Variants in MSH4 observed in about 807,000 individuals in gnomAD.
MSH4 encodes the protein mutS homolog 4, also known as mutS protein homolog 4.
In MSH4, 106 loss-of-function variants were observed where a neutral mutation model predicts 113.7. The observed-to-expected ratio is 0.93, with a 90% CI of 0.80 to 1.10. MSH4 has a LOEUF of 1.10. Among genes scored for constraint, MSH4 ranks in the 50% least tolerant of loss-of-function variants. MSH4 has a pLI of 0.00. For synonymous variants in MSH4, 368 were observed against 380.2 expected, an observed-to-expected ratio of 0.97 and a Z score of 0.37; for missense variants, 1,061 against 1,093.7, an observed-to-expected ratio of 0.97 and a Z score of 0.42.
At chr1:75,886,596 T>G (rs1472106693) in intron 15 of MSH4, among the ~76,000 whole-genome samples, 1 of 123,334 alleles carries the variant, frequency 8.1e-6, no homozygotes, top group Admixed American at 9.3e-5. Flanking sequence ...TATAATGTAT[T>G]ATATATTATA....
chr1:75,879,479 T>A (rs1336881849), intron 12 of MSH4, among the ~76,000 whole-genome samples: 1 of 152,218 alleles, frequency 6.6e-6, no homozygotes, highest in Admixed American at 6.5e-5. Context: ...ACTTAACTTT[T>A]AAAAATCTAA....
chr1:75,815,991 G>A (rs1171802124), intron 5 of MSH4, among the ~76,000 whole-genome samples: 1 of 152,090 alleles, frequency 6.6e-6, no homozygotes, highest in Non-Finnish European at 1.5e-5. Flanking sequence ...CTGGTTGACA[G>A]AGCTAGACCC....
Position 75,822,545 on chromosome 1 carries a change from C to G in MSH4, c.1126C>G (p.Leu376Val). Reference protein sequence around the residue: ...NMRLDCVQELLQDEELFFGLQ... With the variant: ...NMRLDCVQELVQDEELFFGLQ... ...GAGATTAGATTGTGTTCAAGAACTACTTCAAGATGAGGAACTATTTTTTGG... is the reference window on the plus strand; with the variant it reads ...GAGATTAGATTGTGTTCAAGAACTAGTTCAAGATGAGGAACTATTTTTTGG... The change falls in exon 7 of 20, where the codon CTT (leucine) becomes GTT (valine). Residue 376 changes from leucine to valine, a missense_variant. By Grantham distance (32) the Leu-to-Val change is conservative. Coordinates refer to ENST00000263187, the MANE Select transcript of MSH4 (RefSeq NM_002440.4). 2 of 1,548,980 alleles carry G rather than the reference C, an allele frequency of 1.3e-6. No homozygotes were observed. The highest frequency in any genetic ancestry group is 1.7e-6 in the Non-Finnish European group (2 of 1,154,678).
chr1:75,896,322 T>C (rs576324761), intron 17 of MSH4, among the ~76,000 whole-genome samples: 27 of 147,902 alleles, frequency 1.8e-4, no homozygotes, highest in Non-Finnish European at 3.9e-4. Flanking sequence ...CAATTCCATA[T>C]AATAAATCTC....
intron 3 of MSH4, among the ~76,000 whole-genome samples, chr1:75,808,068 C>T (rs969164211): frequency 6.6e-6 from 1 of 152,116 alleles, no homozygotes; most frequent in Non-Finnish European, 1.5e-5. Context: ...GAAGACATGT[C>T]CTTTTTGTAC....
In MSH4 at chr1:75,872,790, T is replaced by C. The variant is rs920874839; in HGVS notation, c.1306-4146T>C. Among the ~76,000 whole-genome samples, 4 of 152,186 alleles carry C rather than the reference T, an allele frequency of 2.6e-5. No homozygotes were observed. The South Asian group carries it at 6.2e-4, about 24-fold the overall frequency. ...GAAAATAACATTAAATTTTTAAAGA[T>C]TTATAGTGATTGAGCATCTGCTGAT... is the stretch of plus-strand genomic sequence containing the variant. On this transcript the variant is annotated intron_variant, in intron 9 of 19. Coordinates refer to ENST00000263187, the MANE Select transcript of MSH4 (RefSeq NM_002440.4).
intron 7 of MSH4, among the ~76,000 whole-genome samples, chr1:75,842,893 G>T (rs1253625930): frequency 6.6e-6 from 1 of 151,976 alleles, no homozygotes; most frequent in Admixed American, 6.6e-5. Flanking sequence ...AGTCAGGCTC[G>T]TCCACAGTTA....
chr1:75,847,580 T>C (rs974293538), intron 7 of MSH4, among the ~76,000 whole-genome samples: 1 of 152,150 alleles, frequency 6.6e-6, no homozygotes, highest in Non-Finnish European at 1.5e-5. Context: ...ACGAGTTTAT[T>C]TGGGTCACAA....
chr1:75,863,618 G>A lies in MSH4; in HGVS notation c.1231-3896G>A, dbSNP rs573438949. ...AAATCTTCGCCTCACCACTCCACTG[G>A]GAGGATTATCTGTAATTTGTGTATC... On this transcript the variant is annotated intron_variant, in intron 8 of 19. Coordinates refer to ENST00000263187, the MANE Select transcript of MSH4 (RefSeq NM_002440.4). Among the ~76,000 whole-genome samples, 65 of 152,094 alleles carry A rather than the reference G, an allele frequency of 4.3e-4. No individual in the cohort carries two copies. The South Asian group carries it at 0.013, about 30-fold the overall frequency.
At chr1:75,864,689 C>T (rs538941550) in intron 8 of MSH4, among the ~76,000 whole-genome samples, 6 of 152,248 alleles carry the variant, frequency 3.9e-5, no homozygotes, top group African/African-American at 1.4e-4. Flanking sequence ...GGTTTATCTG[C>T]TTTTGTGATT....
chr1:75,824,250 G>C (rs1212710010), intron 7 of MSH4, among the ~76,000 whole-genome samples: 2 of 152,120 alleles, frequency 1.3e-5, no homozygotes, highest in Non-Finnish European at 2.9e-5. Flanking sequence ...TTTTTCATAT[G>C]TTTGATGGCC....
chr1:75,851,473 G>A (rs1279742321), intron 8 of MSH4, among the ~76,000 whole-genome samples: 5 of 151,836 alleles, frequency 3.3e-5, no homozygotes, highest in Admixed American at 1.3e-4. Context: ...GTGCAGTGGC[G>A]CCATCTCGGC....
chr1:75,802,824 T>A (rs1649968634), intron 1 of MSH4, among the ~76,000 whole-genome samples: 1 of 152,090 alleles, frequency 6.6e-6, no homozygotes, highest in South Asian at 2.1e-4. Flanking sequence ...GGCTGGGAAG[T>A]CCAAGGTCAA....
intron 8 of MSH4, among the ~76,000 whole-genome samples, chr1:75,866,648 A>G (rs183588690): frequency 2.6e-4 from 39 of 152,194 alleles, no homozygotes; most frequent in African/African-American, 9.2e-4. Flanking sequence ...AGAACAGTCC[A>G]GGTATTGTGC....
chr1:75,838,503 G>A (rs909963323), intron 7 of MSH4, among the ~76,000 whole-genome samples: 2 of 152,128 alleles, frequency 1.3e-5, no homozygotes, highest in Non-Finnish European at 2.9e-5. Context: ...AGATCTCTTT[G>A]GGGGTCTGGG....
At chr1:75,867,039 A>G (rs913384805) in intron 8 of MSH4, among the ~76,000 whole-genome samples, 1 of 152,210 alleles carries the variant, frequency 6.6e-6, no homozygotes, top group South Asian at 2.1e-4. Context: ...TTGGCAAACT[A>G]TAATTCCTAG....
intron 7 of MSH4, among the ~76,000 whole-genome samples, chr1:75,831,047 C>G (rs111967297): frequency 6.6e-6 from 1 of 152,172 alleles, no homozygotes; most frequent in Non-Finnish European, 1.5e-5. Context: ...GGAGACCCAT[C>G]TCACTTGCAG....
chr1:75,883,069 A>G (rs1412208407), intron 14 of MSH4, among the ~76,000 whole-genome samples: 1 of 151,946 alleles, frequency 6.6e-6, no homozygotes, highest in Admixed American at 6.6e-5. Context: ...CAGTGGCACA[A>G]TCTCAGCTCA....
chr1:75,848,269 A>G lies in MSH4; in HGVS notation c.1223A>G (p.Gln408Arg), dbSNP rs763715483. ...TCTGTTTTAGTCCAAATTCCAAAGCAAGACACGGTATGTTTTTGTATACAT... is the reference window on the plus strand; with the variant it reads ...TCTGTTTTAGTCCAAATTCCAAAGCGAGACACGGTATGTTTTTGTATACAT... Reference protein sequence around the residue: ...LLSVLVQIPKQDTVNAAESKI... With the variant: ...LLSVLVQIPKRDTVNAAESKI... The change falls in exon 8 of 20, where the codon CAA becomes CGA. Residue 408 changes from glutamine (Q) to arginine (R), a missense_variant. Transcript: ENST00000263187. The G allele has an allele frequency of 6.3e-7, 1 of 1,597,176 alleles. No individual in the cohort carries two copies. Among genetic ancestry groups the G allele is most frequent in the East Asian group, 2.2e-5 (1 of 44,636 alleles).
Sources: gnomAD v4.1 joint callset for allele counts (sites outside exome capture counted in the v4.1 genomes callset) on GRCh38, gnomAD v4.1.1 for gene constraint, MANE v1.5 for transcripts, NCBI Gene and HGNC (gene_info 2026-07-23, HGNC 2026-07-21) for gene names.